GMCL1: variants seen among roughly 807,000 people sequenced by gnomAD.
GMCL1 encodes the protein germ cell-less 1, spermatogenesis associated.
A neutral mutation model predicts 75.5 loss-of-function variants in GMCL1; 54 were observed. That is an observed-to-expected ratio of 0.71 (90% CI 0.57 to 0.90). The LOEUF (loss-of-function observed/expected upper bound fraction) is 0.90, where lower values mean the gene tolerates loss of function less well. GMCL1 is among the 40% of genes least tolerant of loss of function. The pLI is 0.00. For synonymous variants in GMCL1, 210 were observed against 209.6 expected (o/e 1.00, Z -0.02); for missense variants, 537 against 622.7 (o/e 0.86, Z 1.47).
chr2:69,844,133 G>T lies in GMCL1; in HGVS notation c.695G>T (p.Cys232Phe). The change falls in exon 6 of 14, where the codon TGC becomes TTC. Residue 232 changes from cysteine (C) to phenylalanine (F), a missense_variant and splice_region_variant. Around this residue, in one of 3 missense-constraint regions of GMCL1, gnomAD observed 345 missense variants for 410.5 expected, o/e 0.84. Transcript: ENST00000282570. ...ATAATTATATATTTTAATTTCAGGT[G>T]CCTTGAATGGCTTCTAAACAATTTG... ...TYGLDSVKKKCLEWLLNNLMT... is the reference protein window; with the variant it reads ...TYGLDSVKKKFLEWLLNNLMT... The T allele has an allele frequency of 6.6e-7, 1 of 1,522,754 alleles. No individual in the cohort carries two copies. Among genetic ancestry groups the T allele is most frequent in the Non-Finnish European group, 8.9e-7 (1 of 1,119,546 alleles). The allele number at this position is 1,522,754 out of a possible 1,614,324, so 94.3% of individuals were successfully genotyped here.
At chr2:69,849,996 A>G (rs532167381) in intron 8 of GMCL1, among the ~76,000 whole-genome samples, 6 of 152,320 alleles carry the variant, frequency 3.9e-5, no homozygotes, top group African/African-American at 7.2e-5. Flanking sequence ...TTGAACTGTC[A>G]TCATACTCTT....
chr2:69,839,111 G>A (rs900627096), intron 2 of GMCL1, among the ~76,000 whole-genome samples: 1 of 149,040 alleles, frequency 6.7e-6, no homozygotes, highest in African/African-American at 2.6e-5. Flanking sequence ...GGACTGGTTT[G>A]GTCCTTTATA....
intron 12 of GMCL1, among the ~76,000 whole-genome samples, chr2:69,871,047 G>T (rs181031294): frequency 1.3e-5 from 2 of 152,216 alleles, no homozygotes; most frequent in Admixed American, 1.3e-4. Context: ...TGAAAATAGG[G>T]ACTTAAACAG....
chr2:69,847,617 C>G lies in GMCL1; in HGVS notation c.833C>G (p.Ala278Gly), dbSNP rs1397906058. The change falls in exon 7 of 14, where the codon GCT becomes GGT. Residue 278 changes from alanine to glycine, a missense_variant. Physicochemically the swap from Ala to Gly is moderately conservative, Grantham distance 60 (BLOSUM62 0). This residue lies in a region of GMCL1 where 345 missense variants were observed against 410.5 expected (regional missense o/e 0.84). Transcript: ENST00000282570. Reference sequence around the variant, plus strand: ...CAAGTGGAGATGGATATATACACTGCTCTAAAAAAGGTACTGACGTAATAT... The same window carrying G: ...CAAGTGGAGATGGATATATACACTGGTCTAAAAAAGGTACTGACGTAATAT... ...VMQVEMDIYT[A>G]LKKWMFLQLV... is the part of the protein sequence containing the mutation. 6.3e-7 allele frequency: 1 copy of G among 1,593,908 alleles called. No homozygotes were observed. Among genetic ancestry groups the G allele is most frequent in the Admixed American group, 1.7e-5 (1 of 59,856 alleles).
At chr2:69,833,593 G>A (rs1308182163) in intron 1 of GMCL1, among the ~76,000 whole-genome samples, 1 of 152,246 alleles carries the variant, frequency 6.6e-6, no homozygotes, top group African/African-American at 2.4e-5. Context: ...TCCAGCCTGA[G>A]CAACAGAGTA....
chr2:69,869,914 A>G, intron 12 of GMCL1, 50 bp downstream of exon 12: 1 of 1,570,800 alleles, frequency 6.4e-7, no homozygotes. Flanking sequence ...GAGAAAATAT[A>G]AGAAATAAAA....
chr2:69,861,367 T>C lies in GMCL1; in HGVS notation c.1142+20T>C, dbSNP rs778022456. ...GGTGGGGTAAGTATATTATACCTTATCATTTTTCATTAAAAAAATTTGCTA... is the reference window on the plus strand; with the variant it reads ...GGTGGGGTAAGTATATTATACCTTACCATTTTTCATTAAAAAAATTTGCTA... On this transcript the variant is annotated intron_variant, in intron 10 of 13. Coordinates refer to ENST00000282570, the MANE Select transcript of GMCL1 (RefSeq NM_178439.5). The C allele has an allele frequency of 1.5e-5, 22 of 1,485,416 alleles. No homozygotes were observed. The highest frequency in any genetic ancestry group is 1.8e-5 in the Non-Finnish European group (20 of 1,093,214). The allele number at this position is 1,485,416 out of a possible 1,614,324, so 92.0% of individuals were successfully genotyped here.
chr2:69,830,963 A>G (rs1674655248), intron 1 of GMCL1, among the ~76,000 whole-genome samples: 1 of 152,216 alleles, frequency 6.6e-6, no homozygotes, highest in South Asian at 2.1e-4. Context: ...TCTGTCACTC[A>G]GGCCGGAGTG....
intron 9 of GMCL1, 125 bp from the exon 10 acceptor site, chr2:69,861,153 A>G (rs1371194032): frequency 2.9e-6 from 2 of 698,958 alleles, no homozygotes; most frequent in Non-Finnish European, 4.6e-6. Flanking sequence ...TAAGCTACCT[A>G]ATTTTTAAAT....
intron 9 of GMCL1, among the ~76,000 whole-genome samples, chr2:69,857,002 G>A (rs1242665278): frequency 6.6e-6 from 1 of 151,972 alleles, no homozygotes; most frequent in African/African-American, 2.4e-5. Flanking sequence ...CAAACATTAG[G>A]CACTTTCTTC....
At chr2:69,874,081 G>T (rs1400302661) in intron 13 of GMCL1, among the ~76,000 whole-genome samples, 1 of 151,454 alleles carries the variant, frequency 6.6e-6, no homozygotes, top group Non-Finnish European at 1.5e-5. Flanking sequence ...CTCTTTATTG[G>T]ATAAAGTTGT....
intron 10 of GMCL1, among the ~76,000 whole-genome samples, chr2:69,862,888 A>G (rs1244634227): frequency 6.6e-6 from 1 of 152,222 alleles, no homozygotes; most frequent in Non-Finnish European, 1.5e-5. Context: ...GGAATTCAGA[A>G]CTGAAGCATT....
chr2:69,858,147 T>C (rs1323614611), intron 9 of GMCL1, among the ~76,000 whole-genome samples: 1 of 152,192 alleles, frequency 6.6e-6, no homozygotes, highest in African/African-American at 2.4e-5. Flanking sequence ...AAATACCACC[T>C]TGAAATGTCC....
intron 11 of GMCL1, among the ~76,000 whole-genome samples, chr2:69,866,524 A>G (rs78229678): frequency 0.021 from 3,226 of 152,308 alleles, 52 homozygotes; most frequent in Non-Finnish European, 0.034. Flanking sequence ...GTTGGAGTGC[A>G]GTGGCACAAT....
At chr2:69,846,282 A>G (rs962890305) in intron 6 of GMCL1, among the ~76,000 whole-genome samples, 3 of 152,142 alleles carry the variant, frequency 2.0e-5, no homozygotes, top group Admixed American at 2.0e-4. Flanking sequence ...TGGGTTCTCC[A>G]TTTGTGGATT....
intron 13 of GMCL1, among the ~76,000 whole-genome samples, chr2:69,874,298 A>G (rs1007816314): frequency 6.6e-6 from 1 of 152,140 alleles, no homozygotes; most frequent in African/African-American, 2.4e-5. Flanking sequence ...ATTGTATCTT[A>G]TTCTTTTTCA....
At chr2:69,842,138 G>A (rs1386521035) in intron 4 of GMCL1, among the ~76,000 whole-genome samples, 1 of 152,192 alleles carries the variant, frequency 6.6e-6, no homozygotes, top group African/African-American at 2.4e-5. Context: ...TCGTCCAAGG[G>A]AGGAAAGTAG....
chr2:69,865,852 C>G (rs899365574), intron 11 of GMCL1, among the ~76,000 whole-genome samples: 1 of 152,162 alleles, frequency 6.6e-6, no homozygotes, highest in African/African-American at 2.4e-5. Flanking sequence ...TCACTGCAGC[C>G]TTTAACTCCC....
Position 69,864,996 on chromosome 2 carries a change from T to C in GMCL1, c.1218+21T>C, listed in dbSNP as rs765851779. ...GTGAAGTAAGTATGGGTTGTGACTG[T>C]TAATATTCTTATACAAATTGTATTA... is the stretch of plus-strand genomic sequence containing the variant. On this transcript the variant is annotated intron_variant, in intron 11 of 13. Coordinates refer to ENST00000282570, the MANE Select transcript of GMCL1 (RefSeq NM_178439.5). 3.9e-6 allele frequency: 6 copies of C among 1,547,138 alleles called. No homozygotes were observed. The South Asian group carries it at 6.7e-5, about 17-fold the overall frequency.
Sources: gnomAD v4.1 joint callset for allele counts (sites outside exome capture counted in the v4.1 genomes callset) on GRCh38, gnomAD v4.1.1 for gene constraint, gnomAD v4.1.1 regional missense constraint, MANE v1.5 for transcripts, NCBI Gene and HGNC (gene_info 2026-07-23, HGNC 2026-07-21) for gene names.